Variants in TLE2 observed in about 807,000 individuals in gnomAD.
TLE2 encodes TLE family member 2, transcriptional corepressor.
In TLE2, 74 loss-of-function variants were observed where a neutral mutation model predicts 97.2. The ratio of observed to expected loss-of-function variants is 0.76; its 90% CI spans 0.63 to 0.92. The LOEUF (loss-of-function observed/expected upper bound fraction) is 0.92, where lower values mean the gene tolerates loss of function less well. Ranked by LOEUF, TLE2 falls within the 40% of genes least tolerant of loss-of-function variation. The probability of loss-of-function intolerance (pLI) is 0.00; values close to 1 mark genes in which losing one functional copy is unlikely to be tolerated. For synonymous variants in TLE2, 499 were observed against 432.1 expected, an observed-to-expected ratio of 1.15 and a Z score of -1.92; for missense variants, 1,038 against 1,008.7, an observed-to-expected ratio of 1.03 and a Z score of -0.39.
At chr19:3,046,330 AT>A (rs2090140662), upstream of TLE2, among the ~76,000 whole-genome samples, 1 of 152,240 alleles carries the variant, frequency 6.6e-6, no homozygotes, top group South Asian at 2.1e-4. Flanking sequence ...GCTGCAGACA[AT>A]TCAGCCAGCG....
At chr19:3,047,475 G>A (rs549528725), upstream of TLE2, 1 of 144,758 alleles carries the variant, frequency 6.9e-6, no homozygotes, top group African/African-American at 2.6e-5. Flanking sequence ...CCCTTCTTCC[G>A]AGAAGACCCC....
upstream of TLE2, among the ~76,000 whole-genome samples, chr19:3,046,917 T>TCCTCCCCCCCCTCTC (rs2090145686): frequency 6.6e-5 from 2 of 30,458 alleles, no homozygotes; most frequent in South Asian, 9.4e-4. Flanking sequence ...CTCCCTCTCC[T>TCCTCCCCCCCCTCTC]CCTCCCCCTC....
chr19:3,012,875 C>T (rs912391750), intron 11 of TLE2, among the ~76,000 whole-genome samples: 1 of 152,210 alleles, frequency 6.6e-6, no homozygotes, highest in Admixed American at 6.5e-5. Flanking sequence ...CCGGCACCCG[C>T]GAGAGAGTGG....
intron 12 of TLE2, among the ~76,000 whole-genome samples, chr19:3,009,920 C>A (rs552562136): frequency 6.7e-6 from 1 of 149,498 alleles, no homozygotes; most frequent in African/African-American, 2.5e-5. Flanking sequence ...GAATCTTGCT[C>A]TGTCGCCAGG....
In TLE2 at chr19:3,009,347, A is replaced by G. The variant is rs1431319877; in HGVS notation, c.1173+195T>C. 2.6e-5 allele frequency among the ~76,000 whole-genome samples: 4 copies of G among 152,258 alleles called. No homozygotes were observed. In the South Asian group the frequency reaches 8.3e-4, roughly 32 times the overall value. On this transcript the variant is annotated intron_variant, in intron 13 of 19. Coordinates refer to ENST00000262953, the MANE Select transcript of TLE2 (RefSeq NM_003260.5). ...TTAATCGCTGTTGCGTTTTTCCACA[A>G]TCAGAAGTCTTGCTTTGTATTAAGC...
chr19:3,018,440 C>G (rs2089762077), intron 7 of TLE2, among the ~76,000 whole-genome samples: 1 of 151,060 alleles, frequency 6.6e-6, no homozygotes, highest in Admixed American at 6.6e-5. Flanking sequence ...TTACAGGCAC[C>G]CACCACCATG....
chr19:3,013,778 C>T lies in TLE2; in HGVS notation c.764G>A (p.Cys255Tyr), dbSNP rs779402576. Residue 255 changes from cysteine (C) to tyrosine (Y), a missense_variant, in exon 11 of 20, where the codon TGC (cysteine) becomes TAC (tyrosine). Coordinates refer to ENST00000262953, the MANE Select transcript of TLE2 (RefSeq NM_003260.5). ...SEPPSPATTPCGKVPICIPAR... is the reference protein window; with the variant it reads ...SEPPSPATTPYGKVPICIPAR... ...AGGAATGCAGATGGGTACCTTTCCG[C>T]AGGGGGTGGTAGCCGGGCTGGGGGG... is the stretch of plus-strand genomic sequence containing the variant. 2 of 1,559,222 alleles carry T rather than the reference C, an allele frequency of 1.3e-6. No homozygotes were observed. Among genetic ancestry groups the T allele is most frequent in the South Asian group, 1.2e-5 (1 of 82,804 alleles).
intron 1 of TLE2, among the ~76,000 whole-genome samples, chr19:3,039,212 C>CAATA (rs2090082656): frequency 7.1e-6 from 1 of 140,124 alleles, no homozygotes; most frequent in Non-Finnish European, 1.5e-5. Flanking sequence ...AAAACTCTAT[C>CAATA]CTTTCCCCAC....
At chr19:3,040,591 G>T (rs1239356007) in intron 1 of TLE2, among the ~76,000 whole-genome samples, 1 of 151,714 alleles carries the variant, frequency 6.6e-6, no homozygotes, top group Non-Finnish European at 1.5e-5. Context: ...CTCCTGCCTC[G>T]GCCACCTGAA....
chr19:3,029,565 G>C (rs1014949465), upstream of TLE2: 71 of 742,548 alleles, frequency 9.6e-5, 7 homozygotes, highest in Non-Finnish European at 1.1e-4. Context: ...GAGCGGGGGG[G>C]GGGGCTTGCG....
chr19:2,999,052 C>G (rs894517295), intron 19 of TLE2, among the ~76,000 whole-genome samples: 1 of 152,148 alleles, frequency 6.6e-6, no homozygotes, highest in African/African-American at 2.4e-5. Flanking sequence ...GAGGCCGAGG[C>G]AGGTGGATCA....
At chr19:3,011,630 A>G (rs2089599700) in intron 11 of TLE2, among the ~76,000 whole-genome samples, 1 of 151,854 alleles carries the variant, frequency 6.6e-6, no homozygotes, top group Non-Finnish European at 1.5e-5. Flanking sequence ...CCGGTGGATC[A>G]CTTGAGGTCA....
upstream of TLE2, among the ~76,000 whole-genome samples, chr19:3,046,093 G>T (rs1021246382): frequency 1.3e-5 from 2 of 152,174 alleles, no homozygotes; most frequent in Non-Finnish European, 2.9e-5. Flanking sequence ...GCCCCTAGGG[G>T]GGCAAAGAGG....
chr19:3,006,750 T>A (rs974062397), intron 14 of TLE2, 81 bp from the exon 15 acceptor site: 10 of 1,498,260 alleles, frequency 6.7e-6, no homozygotes, highest in Admixed American at 2.4e-5. Context: ...GAGACGCCTT[T>A]GTCCTGCCTG....
rs1310242717 is a variant in TLE2 at position 3,045,030 on chromosome 19, C to T, written c.63+696G>A. Reference sequence around the variant, plus strand: ...GTCAGGAGTTTCAGACCAGCCTGGCCAACATGGCAAGACCTTGTCCCTACA... The same window carrying T: ...GTCAGGAGTTTCAGACCAGCCTGGCTAACATGGCAAGACCTTGTCCCTACA... On this transcript the variant is annotated intron_variant, in intron 1 of 18. Transcript: ENST00000426948. Among the ~76,000 whole-genome samples the T allele has an allele frequency of 3.3e-5, 5 of 151,948 alleles. No individual in the cohort carries two copies. The East Asian group carries it at 9.7e-4, about 30-fold the overall frequency.
In TLE2 at chr19:3,019,683, G is replaced by A. The variant is rs754345413; in HGVS notation, c.369+16C>T. On this transcript the variant is annotated intron_variant, in intron 6 of 19. Transcript: ENST00000262953. The surrounding 1 kb of genome is among the most constrained non-coding windows in gnomAD (Gnocchi z 5.1). ...GGGCGTCTCCCCATGGCGGGGCAGG[G>A]GCTAGAGAGACTCACCCCGATGAGG... 1.1e-5 allele frequency: 17 copies of A among 1,603,670 alleles called. No individual in the cohort carries two copies. Among genetic ancestry groups the A allele is most frequent in the Middle Eastern group, 1.7e-4 (1 of 6,046 alleles).
In TLE2 at chr19:3,016,054, A is replaced by G. The variant is rs188101989; in HGVS notation, c.571-294T>C. ...CGGGTTCAAGCGATCCTCCTGCCTC[A>G]GCCTCCCCAGTAGCTGGGATTACAG... On this transcript the variant is annotated intron_variant, in intron 8 of 19. Transcript: ENST00000262953. 2,611 of 494,104 alleles carry G rather than the reference A, an allele frequency of 5.3e-3. 61 individuals are homozygous for G. The highest frequency in any genetic ancestry group is 0.046 in the African/African-American group (2,380 of 51,244). 30.6% of individuals were successfully genotyped at this position (494,104 alleles called of 1,614,324 possible).
Position 3,005,875 on chromosome 19 carries a change from G to A in TLE2, c.1594C>T (p.Leu532=), listed in dbSNP as rs1247375389. 6.2e-7 allele frequency: 1 copy of A among 1,613,952 alleles called. No individual in the cohort carries two copies. Among genetic ancestry groups the A allele is most frequent in the Admixed American group, 1.7e-5 (1 of 60,024 alleles). ...TTGATACGGGGGGTGGGCGCCGCCA[G>A]GTCCCAAATGGACAAGGTGCTGGCC... The part of the protein sequence containing the change: ...GEASTLSIWD[L]AAPTPRIKAE... The change falls in exon 16 of 20, where the codon CTG becomes TTG. Residue 532 remains leucine (L), a synonymous_variant. Transcript: ENST00000262953.
At position 3,019,148 on chromosome 19, in the gene TLE2, T is replaced by C; in HGVS notation, c.550+135A>G. 4 of 1,294,928 alleles carry C rather than the reference T, an allele frequency of 3.1e-6. No individual in the cohort carries two copies. The highest frequency in any genetic ancestry group is 4.2e-6 in the Non-Finnish European group (4 of 952,834). The allele number at this position is 1,294,928 out of a possible 1,614,324, so 80.2% of individuals were successfully genotyped here. On this transcript the variant is annotated intron_variant, in intron 7 of 19. Coordinates refer to ENST00000262953, the MANE Select transcript of TLE2 (RefSeq NM_003260.5). The surrounding 1 kb of genome is among the most constrained non-coding windows in gnomAD (Gnocchi z 5.1). ...CCTGGGCTCAAGCGATCCTCCCGCC[T>C]CGGCCTCCCAAATTGTTGGGATTAT...
Sources: allele counts gnomAD v4.1 joint callset (sites outside exome capture counted in the v4.1 genomes callset), GRCh38; gene constraint gnomAD v4.1.1; non-coding constraint Gnocchi (gnomAD v3.1); transcripts MANE v1.5; gene names NCBI Gene and HGNC (gene_info 2026-07-23, HGNC 2026-07-21).